Variants in TNR observed in about 807,000 individuals in gnomAD.
TNR encodes tenascin R.
Under a neutral mutation model 150.4 loss-of-function variants are expected in TNR, and 45 were observed. The ratio of observed to expected loss-of-function variants is 0.30; its 90% CI spans 0.24 to 0.38. TNR has a LOEUF of 0.38. TNR is among the 10% of genes least tolerant of loss of function. The pLI is 1.00. For missense variants in TNR, 1,544 were observed against 1,759.1 expected (o/e 0.88, Z 2.19); for synonymous variants, 687 against 678.4 (o/e 1.01, Z -0.20).
At chr1:175,614,438 G>A (rs988459679) in intron 1 of TNR, among the ~76,000 whole-genome samples, 1 of 152,170 alleles carries the variant, frequency 6.6e-6, no homozygotes, top group Non-Finnish European at 1.5e-5. Flanking sequence ...TGGGAGGTAT[G>A]CCTAGCAGAC....
chr1:175,389,021 T>C (rs917388149), intron 7 of TNR, among the ~76,000 whole-genome samples: 1 of 152,258 alleles, frequency 6.6e-6, no homozygotes, highest in Non-Finnish European at 1.5e-5. Flanking sequence ...TAGCCTTTTG[T>C]CTTTTACTAA....
chr1:175,590,433 G>T (rs1461742840), intron 1 of TNR, among the ~76,000 whole-genome samples: 1 of 152,136 alleles, frequency 6.6e-6, no homozygotes, highest in East Asian at 1.9e-4. Flanking sequence ...CCCACCAAGT[G>T]CCTCACTCAC....
intron 1 of TNR, among the ~76,000 whole-genome samples, chr1:175,686,055 G>GCACACACA (rs142990409): frequency 2.0e-5 from 3 of 149,380 alleles, no homozygotes; most frequent in African/African-American, 4.9e-5. Flanking sequence ...ACGCACACAC[G>GCACACACA]CACACACACA....
intron 1 of TNR, among the ~76,000 whole-genome samples, chr1:175,620,522 C>T (rs1663935299): frequency 1.3e-5 from 2 of 152,304 alleles, no homozygotes; most frequent in African/African-American, 4.8e-5. Context: ...ATCCCTTCGC[C>T]CACCTCCAGC....
rs151013026 is a variant in TNR, at chr1:175,737,557, G to A, written c.-165+5669C>T. Among the ~76,000 whole-genome samples the A allele has an allele frequency of 1.8e-3, 273 of 152,262 alleles. 1 individual carries two copies. Among genetic ancestry groups the A allele is most frequent in the African/African-American group, 3.9e-3 (160 of 41,550 alleles). On this transcript the variant is annotated intron_variant, in intron 1 of 22. Transcript: ENST00000367674. ...AATTCCAGCCCAGAGATGTTGCCAA[G>A]CTTTTGTCAGATGTTAGCCACCCTG...
At chr1:175,500,704 G>C (rs1375694414) in intron 2 of TNR, among the ~76,000 whole-genome samples, 1 of 152,224 alleles carries the variant, frequency 6.6e-6, no homozygotes, top group East Asian at 1.9e-4. Flanking sequence ...AGCAGGGCAA[G>C]GAACGCAGCA....
chr1:175,643,737 T>G (rs1156262471), intron 1 of TNR, among the ~76,000 whole-genome samples: 2 of 152,218 alleles, frequency 1.3e-5, no homozygotes, highest in African/African-American at 4.8e-5. Context: ...ACAGAAATGA[T>G]GCCAAATTCA....
intron 20 of TNR, among the ~76,000 whole-genome samples, chr1:175,331,095 T>TTCTTTCTTTCTCTCTC (rs1557868199): frequency 7.6e-6 from 1 of 132,054 alleles, no homozygotes; most frequent in South Asian, 2.3e-4. Flanking sequence ...CTTTCTTTCT[T>TTCTTTCTTTCTCTCTC]TCTTTCTCTC....
At chr1:175,649,711 A>G (rs1263984419) in intron 1 of TNR, among the ~76,000 whole-genome samples, 5 of 152,074 alleles carry the variant, frequency 3.3e-5, no homozygotes, top group Non-Finnish European at 7.4e-5. Context: ...GCTGCTCCTA[A>G]CTGCCATCCC....
At chr1:175,617,181 C>G (rs183235300) in intron 1 of TNR, among the ~76,000 whole-genome samples, 24 of 152,290 alleles carry the variant, frequency 1.6e-4, no homozygotes, top group Admixed American at 1.3e-3. Context: ...GTGCTTGCTG[C>G]CATATTCGCT....
intron 15 of TNR, among the ~76,000 whole-genome samples, chr1:175,358,492 C>T (rs931292246): frequency 2.0e-5 from 3 of 152,190 alleles, no homozygotes; most frequent in Admixed American, 2.0e-4. Flanking sequence ...TTAGTTTTTA[C>T]CTTCCTAAGC....
intron 1 of TNR, among the ~76,000 whole-genome samples, chr1:175,740,265 A>G (rs1437986784): frequency 1.3e-5 from 2 of 152,236 alleles, no homozygotes; most frequent in East Asian, 3.8e-4. Flanking sequence ...ACATATGCAC[A>G]AACACAAGTC....
At chr1:175,366,350 C>T (rs560405636) in intron 10 of TNR, among the ~76,000 whole-genome samples, 14 of 152,308 alleles carry the variant, frequency 9.2e-5, no homozygotes, top group African/African-American at 1.9e-4. Flanking sequence ...TGAAGAAAGC[C>T]GTGATGAGCT....
In TNR at chr1:175,399,930, G is replaced by T. The variant is rs570110909; in HGVS notation, c.977-3123C>A. Among the ~76,000 whole-genome samples, 9 of 152,356 alleles carry T rather than the reference G, an allele frequency of 5.9e-5. No individual in the cohort carries two copies. The East Asian group carries it at 9.6e-4, about 16-fold the overall frequency. ...GAGTAAGTGGTTTCGGGTGCCAAAG[G>T]TTGGGCTGGCTGCAGTCCTGACAGA... On this transcript the variant is annotated intron_variant, in intron 4 of 22. Coordinates refer to ENST00000367674, the MANE Select transcript of TNR (RefSeq NM_003285.3).
intron 2 of TNR, among the ~76,000 whole-genome samples, chr1:175,444,891 C>T (rs180989580): frequency 6.6e-6 from 1 of 152,160 alleles, no homozygotes; most frequent in South Asian, 2.1e-4. Flanking sequence ...GAGGGGAAAG[C>T]CTGTGCAAAG....
At position 175,356,342 on chromosome 1, in the gene TNR, G is replaced by T; in HGVS notation, c.3095C>A (p.Thr1032Asn). ...YATNGPLTSG[T>N]ISTNFSTLLD... Reference sequence around the variant, plus strand: ...ACGAGTAGAAAAGTTGGTGCTGATGGTGCCACTGGTGAGAGGTCCATTGGT... The same window carrying T: ...ACGAGTAGAAAAGTTGGTGCTGATGTTGCCACTGGTGAGAGGTCCATTGGT... Residue 1032 changes from threonine (T) to asparagine (N), a missense_variant, in exon 16 of 23, where the codon ACC becomes AAC. By Grantham distance (65) the Thr-to-Asn change is moderately conservative (BLOSUM62 0). Transcript: ENST00000367674. 1 of 1,614,030 alleles carries T rather than the reference G, an allele frequency of 6.2e-7. No homozygotes were observed. The highest frequency in any genetic ancestry group is 1.1e-5 in the South Asian group (1 of 91,086).
intron 1 of TNR, among the ~76,000 whole-genome samples, chr1:175,545,428 T>A (rs1236528578): frequency 6.6e-6 from 1 of 151,956 alleles, no homozygotes; most frequent in African/African-American, 2.4e-5. Flanking sequence ...GAGAAACAGC[T>A]TAAGATGGAA....
intron 1 of TNR, among the ~76,000 whole-genome samples, chr1:175,592,307 G>T (rs904508396): frequency 2.6e-5 from 4 of 152,234 alleles, no homozygotes; most frequent in Non-Finnish European, 5.9e-5. Context: ...AGGGGCCAGT[G>T]CACCTCTCTA....
intron 2 of TNR, among the ~76,000 whole-genome samples, chr1:175,420,549 C>T (rs1402868274): frequency 6.6e-6 from 1 of 152,180 alleles, no homozygotes; most frequent in East Asian, 1.9e-4. Flanking sequence ...AGATTTATTG[C>T]CTGTAAAAGA....
Sources: gnomAD v4.1 joint callset for allele counts (sites outside exome capture counted in the v4.1 genomes callset) on GRCh38, gnomAD v4.1.1 for gene constraint, MANE v1.5 for transcripts, NCBI Gene and HGNC (gene_info 2026-07-23, HGNC 2026-07-21) for gene names.